The following ADAMTSL1 variants were observed in gnomAD, a reference collection of about 807,000 sequenced individuals.
The protein encoded by ADAMTSL1 is ADAMTS like 1, also known as ADAMTS-like protein 1.
ADAMTSL1 carries 126 observed loss-of-function variants against 201.8 expected under a neutral mutation model. That is an observed-to-expected ratio of 0.62 (90% CI 0.54 to 0.72). The LOEUF is 0.72. Among genes scored for constraint, ADAMTSL1 ranks in the 30% least tolerant of loss-of-function variants. ADAMTSL1 has a pLI of 0.00. For synonymous variants in ADAMTSL1, 1,121 were observed against 903.4 expected (o/e 1.24, Z -4.32); for missense variants, 2,679 against 2,277.8 (o/e 1.18, Z -3.59).
intron 26 of ADAMTSL1, among the ~76,000 whole-genome samples, chr9:18,904,037 A>G (rs1232437323): frequency 6.6e-6 from 1 of 151,910 alleles, no homozygotes; most frequent in Non-Finnish European, 1.5e-5. Context: ...AGGCATGATC[A>G]TGGTGCACTA....
intron 2 of ADAMTSL1, among the ~76,000 whole-genome samples, chr9:18,283,899 C>T (rs1008718201): frequency 4.5e-4 from 35 of 78,604 alleles, no homozygotes; most frequent in African/African-American, 1.8e-3. Context: ...GCCTGGGCAA[C>T]AGAGCAAGAC....
intron 1 of ADAMTSL1, among the ~76,000 whole-genome samples, chr9:18,126,693 T>C (rs761810580): frequency 6.6e-6 from 1 of 152,188 alleles, no homozygotes; most frequent in Non-Finnish European, 1.5e-5. Flanking sequence ...TTTGGCACAG[T>C]AACACGGAGA....
At chr9:18,376,800 T>A (rs998461498) in intron 2 of ADAMTSL1, among the ~76,000 whole-genome samples, 1 of 152,060 alleles carries the variant, frequency 6.6e-6, no homozygotes, top group South Asian at 2.1e-4. Context: ...AAAGAGACAC[T>A]GTCTCAAAAA....
At chr9:18,692,209 T>C (rs1470427463) in intron 13 of ADAMTSL1, among the ~76,000 whole-genome samples, 1 of 152,168 alleles carries the variant, frequency 6.6e-6, no homozygotes, top group Non-Finnish European at 1.5e-5. Context: ...TAAAAAGAGA[T>C]TTATGAGTAA....
chr9:18,594,514 A>T (rs1019248299), intron 4 of ADAMTSL1, among the ~76,000 whole-genome samples: 1 of 151,710 alleles, frequency 6.6e-6, no homozygotes, highest in Non-Finnish European at 1.5e-5. Flanking sequence ...ATTCCTTTTC[A>T]TTCTTTCTTT....
chr9:18,161,547 A>T (rs1227268771), intron 1 of ADAMTSL1, among the ~76,000 whole-genome samples: 3 of 152,084 alleles, frequency 2.0e-5, no homozygotes, highest in Admixed American at 6.6e-5. Context: ...GAACATGTCA[A>T]TTCTGGATTA....
chr9:18,337,361 C>G (rs1391664960), intron 2 of ADAMTSL1, among the ~76,000 whole-genome samples: 2 of 152,126 alleles, frequency 1.3e-5, no homozygotes, highest in Non-Finnish European at 2.9e-5. Context: ...GGCTTCCTTA[C>G]TCCTCAACTT....
chr9:18,432,180 T>G (rs983589240), intron 2 of ADAMTSL1, among the ~76,000 whole-genome samples: 4 of 152,216 alleles, frequency 2.6e-5, no homozygotes, highest in Admixed American at 2.0e-4. Flanking sequence ...ATAGATTACA[T>G]AAAATAATCT....
chr9:18,152,225 C>T (rs895273610), intron 1 of ADAMTSL1, among the ~76,000 whole-genome samples: 1 of 152,014 alleles, frequency 6.6e-6, no homozygotes, highest in African/African-American at 2.4e-5. Flanking sequence ...AAGAGCAGGA[C>T]CTCTGTGGAT....
At chr9:18,246,213 A>G (rs1260735567) in intron 2 of ADAMTSL1, among the ~76,000 whole-genome samples, 1 of 152,174 alleles carries the variant, frequency 6.6e-6, no homozygotes, top group Non-Finnish European at 1.5e-5. Flanking sequence ...CTGATATTGT[A>G]CAGCAAATAT....
chr9:17,919,314 C>G (rs1826218439), intron 1 of ADAMTSL1, among the ~76,000 whole-genome samples: 1 of 151,326 alleles, frequency 6.6e-6, no homozygotes, highest in Non-Finnish European at 1.5e-5. Flanking sequence ...ACAATTTATG[C>G]ATTTAAAGTA....
intron 3 of ADAMTSL1, among the ~76,000 whole-genome samples, chr9:18,537,778 GC>G (rs925893069): frequency 6.6e-5 from 10 of 151,954 alleles, no homozygotes; most frequent in Non-Finnish European, 1.0e-4. Flanking sequence ...AGAGGCTGAG[GC>G]GGGAGGATTG....
intron 1 of ADAMTSL1, among the ~76,000 whole-genome samples, chr9:17,981,581 C>G (rs369207965): frequency 1.3e-5 from 2 of 152,130 alleles, no homozygotes; most frequent in Non-Finnish European, 2.9e-5. Flanking sequence ...CTAGGATGAA[C>G]GTGTCCTTCT....
chr9:18,800,979 CA>C (rs201185378), intron 20 of ADAMTSL1, among the ~76,000 whole-genome samples: 5 of 138,192 alleles, frequency 3.6e-5, no homozygotes, highest in South Asian at 5.1e-4. Context: ...CTGACATTGG[CA>C]AAAAAATATC....
intron 2 of ADAMTSL1, among the ~76,000 whole-genome samples, chr9:18,307,873 C>G (rs550364921): frequency 6.6e-6 from 1 of 152,260 alleles, no homozygotes; most frequent in Admixed American, 6.5e-5. Context: ...ACTCTTCACC[C>G]AAAATCAACA....
At chr9:18,575,724 G>A (rs563821104) in intron 4 of ADAMTSL1, among the ~76,000 whole-genome samples, 35 of 152,232 alleles carry the variant, frequency 2.3e-4, no homozygotes, top group African/African-American at 7.7e-4. Context: ...TTTTAGAAGT[G>A]AAAAAACTGA....
At chr9:18,366,254 TTG>T (rs938192983) in intron 2 of ADAMTSL1, among the ~76,000 whole-genome samples, 2 of 152,046 alleles carry the variant, frequency 1.3e-5, no homozygotes, top group African/African-American at 4.8e-5. Flanking sequence ...CCTTTCTTTT[TTG>T]TGTTTGTATT....
chr9:17,976,111 A>G (rs541373899), intron 1 of ADAMTSL1, among the ~76,000 whole-genome samples: 5 of 152,142 alleles, frequency 3.3e-5, no homozygotes, highest in African/African-American at 9.6e-5. Context: ...GTACCATACT[A>G]TTTTGATTAC....
rs139409349 is a variant in ADAMTSL1, at chr9:18,889,934, C to T, written c.4643+186C>T. On this transcript the variant is annotated intron_variant, in intron 25 of 28. Coordinates refer to ENST00000380548, the MANE Select transcript of ADAMTSL1 (RefSeq NM_001040272.6). ...TGCTGAAAATATCCTCAGACTATGC[C>T]ACCTCTCTCAGCTTTGTTTATTCCT... Among the ~76,000 whole-genome samples the T allele has an allele frequency of 3.5e-3, 526 of 152,144 alleles. 4 individuals carry two copies. The highest frequency in any genetic ancestry group is 0.012 in the African/African-American group (491 of 41,516).
Sources: gnomAD v4.1 joint callset for allele counts (sites outside exome capture counted in the v4.1 genomes callset) on GRCh38, gnomAD v4.1.1 for gene constraint, MANE v1.5 for transcripts, NCBI Gene and HGNC (gene_info 2026-07-23, HGNC 2026-07-21) for gene names.